Variants in SAR1B observed in about 807,000 individuals in gnomAD.
The protein encoded by SAR1B is small COPII coat GTPase SAR1B.
A neutral mutation model predicts 26.8 loss-of-function variants in SAR1B; 23 were observed. The ratio of observed to expected loss-of-function variants is 0.86; its 90% CI spans 0.62 to 1.22. The LOEUF (loss-of-function observed/expected upper bound fraction) is 1.22. Among genes scored for constraint, SAR1B ranks in the 50% most tolerant of loss-of-function variants. The pLI is 0.00. For missense variants in SAR1B, 196 were observed against 232.8 expected, an observed-to-expected ratio of 0.84 and a Z score of 1.03; for synonymous variants, 65 against 80.8, an observed-to-expected ratio of 0.80 and a Z score of 1.05.
At chr5:134,612,888 A>G in intron 3 of SAR1B, 132 bp from the exon 4 acceptor site, 2 of 779,274 alleles carry the variant, frequency 2.6e-6, no homozygotes, top group Non-Finnish European at 4.2e-6. Flanking sequence ...TTCTCTTAGA[A>G]GCAAAATTGA....
chr5:134,609,303 C>T (rs145525440), intron 5 of SAR1B, among the ~76,000 whole-genome samples: 83 of 152,224 alleles, frequency 5.5e-4, no homozygotes, highest in African/African-American at 1.9e-3. Context: ...ATGAAATATA[C>T]TAAAAGGGTA....
chr5:134,627,053 C>A (rs1175089850), intron 1 of SAR1B, among the ~76,000 whole-genome samples: 3 of 151,808 alleles, frequency 2.0e-5, no homozygotes, highest in Non-Finnish European at 4.4e-5. Context: ...TTACACAAAA[C>A]CATTTACTTT....
rs1364948481 is a variant in SAR1B at position 134,608,808 on chromosome 5, T to C, written c.349-305A>G. ...GTTTCACTTCTGGCTCTACTGCTTT[T>C]GAGATGTGACTTTGGGCAAGTTAGC... On this transcript the variant is annotated intron_variant, in intron 5 of 6. Transcript: ENST00000402673. 1.3e-4 allele frequency among the ~76,000 whole-genome samples: 20 copies of C among 152,284 alleles called. No homozygotes were observed. In the East Asian group the frequency reaches 3.7e-3, roughly 28 times the overall value.
intron 1 of SAR1B, chr5:134,632,134 G>C (rs951717494): frequency 7.2e-5 from 11 of 152,138 alleles, no homozygotes; most frequent in African/African-American, 2.4e-4. Flanking sequence ...CCCGGGAGGC[G>C]GAGCTTGCAG....
chr5:134,630,804 A>G (rs1488214469), intron 1 of SAR1B, among the ~76,000 whole-genome samples: 1 of 151,160 alleles, frequency 6.6e-6, no homozygotes, highest in Non-Finnish European at 1.5e-5. Flanking sequence ...GAAAAAAGAA[A>G]AGAAATACTA....
chr5:134,625,938 C>T (rs1765485916), intron 1 of SAR1B: 1 of 151,906 alleles, frequency 6.6e-6, no homozygotes, highest in Non-Finnish European at 1.5e-5. Flanking sequence ...AAAATTTGTC[C>T]CAAGAGAGAT....
intron 3 of SAR1B, among the ~76,000 whole-genome samples, chr5:134,617,289 T>C (rs1026986498): frequency 6.6e-6 from 1 of 152,152 alleles, no homozygotes; most frequent in African/African-American, 2.4e-5. Context: ...TAAACATTTT[T>C]GTACAAGGTT....
chr5:134,630,889 C>CTTTTTTTTTTTTTTTTT (rs781218368), intron 1 of SAR1B, among the ~76,000 whole-genome samples: 38 of 69,138 alleles, frequency 5.5e-4, no homozygotes, highest in Non-Finnish European at 6.8e-4. Flanking sequence ...CTTTTTTTTT[C>CTTTTTTTTTTTTTTTTT]TTTTTTTTTT....
At chr5:134,610,060 A>G (rs1433080717) in intron 4 of SAR1B, among the ~76,000 whole-genome samples, 1 of 151,912 alleles carries the variant, frequency 6.6e-6, no homozygotes, top group Non-Finnish European at 1.5e-5. Flanking sequence ...GTGTATTTAT[A>G]TTACATATAT....
rs775012255 is a variant in SAR1B, at chr5:134,604,969, A to AT, written c.*1980dup. The stretch of plus-strand genomic sequence containing the variant: ...TGGAAGAAGAAATCAATAGGCTGCA[A>AT]TGTCATGTTCTACTTTTCCCATAGT... On this transcript the variant is annotated 3_prime_UTR_variant, in exon 7 of 7. Transcript: ENST00000402673. 11 of 152,328 alleles carry AT rather than the reference A, an allele frequency of 7.2e-5. No homozygotes were observed. Among genetic ancestry groups the AT allele is most frequent in the Admixed American group, 2.6e-4 (4 of 15,294 alleles). The allele number at this position is 152,328 out of a possible 1,614,324, so 9.4% of individuals were successfully genotyped here. A position where few individuals can be genotyped will look rare whatever the true frequency, so the allele number is the denominator to read the frequency against.
rs1452096104 is a variant in SAR1B, at chr5:134,602,292, A to C, written c.*4658T>G. 1 of 152,220 alleles carries C rather than the reference A, an allele frequency of 6.6e-6. No individual in the cohort carries two copies. The highest frequency in any genetic ancestry group is 1.5e-5 in the Non-Finnish European group (1 of 68,042). 9.4% of individuals were successfully genotyped at this position (152,220 alleles called of 1,614,324 possible). ...GTGCCATTAAATATATTAGCTATTT[A>C]ATGCTCTAAATTATAAGGACAAAAA... On this transcript the variant is annotated 3_prime_UTR_variant, in exon 7 of 7. Coordinates refer to ENST00000402673, the MANE Select transcript of SAR1B (RefSeq NM_016103.4).
chr5:134,629,822 G>T (rs1279266538), intron 1 of SAR1B, among the ~76,000 whole-genome samples: 1 of 151,438 alleles, frequency 6.6e-6, no homozygotes, highest in Non-Finnish European at 1.5e-5. Flanking sequence ...GGAGACGGAG[G>T]TTGCAGTGAG....
chr5:134,608,983 T>G, intron 5 of SAR1B: 1 of 417,684 alleles, frequency 2.4e-6, no homozygotes, highest in South Asian at 1.7e-5. Context: ...TACCTGGACT[T>G]TTCCACACGT....
chr5:134,627,740 AG>A (rs1765517902), intron 1 of SAR1B, among the ~76,000 whole-genome samples: 1 of 151,754 alleles, frequency 6.6e-6, no homozygotes, highest in Non-Finnish European at 1.5e-5. Context: ...CAGAGCTTGC[AG>A]TGAGCCGAGA....
intron 4 of SAR1B, among the ~76,000 whole-genome samples, chr5:134,610,992 T>C (rs1765204029): frequency 6.6e-6 from 1 of 151,508 alleles, no homozygotes; most frequent in Non-Finnish European, 1.5e-5. Context: ...GCCTCCTGAG[T>C]AGGTAGGACT....
intron 1 of SAR1B, among the ~76,000 whole-genome samples, chr5:134,625,105 G>C (rs1370173354): frequency 1.3e-5 from 2 of 152,148 alleles, no homozygotes; most frequent in African/African-American, 4.8e-5. Context: ...GAGGAAAGAT[G>C]GCCAGAAAAT....
intron 1 of SAR1B, among the ~76,000 whole-genome samples, chr5:134,627,674 C>G (rs747313623): frequency 6.6e-6 from 1 of 151,678 alleles, no homozygotes; most frequent in Non-Finnish European, 1.5e-5. Context: ...TAGTGGACGC[C>G]TGTAGTCCCA....
intron 4 of SAR1B, among the ~76,000 whole-genome samples, chr5:134,610,997 A>G (rs1765204110): frequency 6.6e-6 from 1 of 151,418 alleles, no homozygotes; most frequent in Non-Finnish European, 1.5e-5. Flanking sequence ...CTGAGTAGGT[A>G]GGACTATCAG....
intron 4 of SAR1B, among the ~76,000 whole-genome samples, chr5:134,611,602 T>C (rs962693743): frequency 6.6e-6 from 1 of 152,090 alleles, no homozygotes; most frequent in African/African-American, 2.4e-5. Flanking sequence ...AACAGGATTT[T>C]AGTCCCCGCA....
Sources: allele counts gnomAD v4.1 joint callset (sites outside exome capture counted in the v4.1 genomes callset), GRCh38; gene constraint gnomAD v4.1.1; transcripts MANE v1.5; gene names NCBI Gene and HGNC (gene_info 2026-07-23, HGNC 2026-07-21).